The following MGMT variants were observed in gnomAD, a reference collection of about 807,000 sequenced individuals.
The protein encoded by MGMT is O-6-methylguanine-DNA methyltransferase.
In MGMT, 14 loss-of-function variants were observed where a neutral mutation model predicts 15.9. The observed-to-expected ratio is 0.88, with a 90% CI of 0.58 to 1.37. The LOEUF is 1.37. Ranked by LOEUF, MGMT falls within the 40% of genes most tolerant of loss-of-function variation. The probability of loss-of-function intolerance (pLI) is 0.00; values close to 1 mark genes in which losing one functional copy is unlikely to be tolerated. For missense variants in MGMT, 282 were observed against 268.1 expected, an observed-to-expected ratio of 1.05 and a Z score of -0.36; for synonymous variants, 130 against 118.2, an observed-to-expected ratio of 1.10 and a Z score of -0.65.
chr10:129,539,062 C>G (rs1040885121), intron 2 of MGMT, among the ~76,000 whole-genome samples: 8 of 152,136 alleles, frequency 5.3e-5, no homozygotes, highest in Non-Finnish European at 1.0e-4. Flanking sequence ...AGTTGGAGGC[C>G]TGCTTTTTTG....
chr10:129,588,473 T>A (rs1473610087), intron 2 of MGMT, among the ~76,000 whole-genome samples: 1 of 152,208 alleles, frequency 6.6e-6, no homozygotes, highest in African/African-American at 2.4e-5. Flanking sequence ...CTTACGTCTT[T>A]CCTCCCTTTT....
intron 1 of MGMT, among the ~76,000 whole-genome samples, chr10:129,524,517 G>A (rs4751095): frequency 0.94 from 141,350 of 150,914 alleles, 66,241 homozygotes; most frequent in East Asian, 1. Flanking sequence ...CATGGCAAGT[G>A]GTAAAGCCTT....
intron 3 of MGMT, among the ~76,000 whole-genome samples, chr10:129,730,715 T>A (rs930674889): frequency 1.3e-5 from 2 of 152,322 alleles, no homozygotes; most frequent in African/African-American, 4.8e-5. Flanking sequence ...TCCTCTGATT[T>A]TTTTTTGCAC....
chr10:129,679,661 C>T (rs1281713112), intron 2 of MGMT, among the ~76,000 whole-genome samples: 1 of 152,146 alleles, frequency 6.6e-6, no homozygotes, highest in African/African-American at 2.4e-5. Context: ...CAAACAAATC[C>T]AGGCTCTACT....
chr10:129,638,630 G>A (rs1047689422), intron 2 of MGMT, among the ~76,000 whole-genome samples: 9 of 151,880 alleles, frequency 5.9e-5, no homozygotes, highest in East Asian at 1.9e-4. Flanking sequence ...TGTTTTCAGC[G>A]TATTAAAGGA....
chr10:129,661,687 G>A (rs993590102), intron 2 of MGMT, among the ~76,000 whole-genome samples: 11 of 152,138 alleles, frequency 7.2e-5, no homozygotes, highest in South Asian at 6.2e-4. Flanking sequence ...TTTTAGTCAC[G>A]CTGGAGTTTT....
At chr10:129,725,305 C>G (rs1033582320) in intron 3 of MGMT, among the ~76,000 whole-genome samples, 6 of 152,240 alleles carry the variant, frequency 3.9e-5, no homozygotes, top group African/African-American at 1.2e-4. Context: ...AGACCCTGCC[C>G]AGCCCCTCGC....
intron 2 of MGMT, among the ~76,000 whole-genome samples, chr10:129,539,616 C>T (rs1846022871): frequency 6.6e-6 from 1 of 152,022 alleles, no homozygotes; most frequent in South Asian, 2.1e-4. Context: ...ACGCCATTCT[C>T]CTGCCTCAGC....
intron 2 of MGMT, among the ~76,000 whole-genome samples, chr10:129,606,823 GT>G (rs1188460682): frequency 6.6e-6 from 1 of 152,210 alleles, no homozygotes; most frequent in Admixed American, 6.5e-5. Context: ...CACTTTGACT[GT>G]ATTAAGCTGT....
chr10:129,616,170 G>A (rs938100416), intron 2 of MGMT, among the ~76,000 whole-genome samples: 1 of 152,234 alleles, frequency 6.6e-6, no homozygotes, highest in Admixed American at 6.5e-5. Context: ...TGAGCAGAGG[G>A]AGCGGCGATT....
At chr10:129,605,876 A>G (rs949823131) in intron 2 of MGMT, among the ~76,000 whole-genome samples, 1 of 151,472 alleles carries the variant, frequency 6.6e-6, no homozygotes, top group South Asian at 2.1e-4. Context: ...GCAACATTCA[A>G]GAACGGTGAT....
chr10:129,541,993 C>A (rs553876269), intron 2 of MGMT, among the ~76,000 whole-genome samples: 1 of 152,178 alleles, frequency 6.6e-6, no homozygotes, highest in Non-Finnish European at 1.5e-5. Flanking sequence ...CTAGGCTGGC[C>A]TGACCCTAGA....
At chr10:129,688,479 T>G (rs1167646734) in intron 2 of MGMT, among the ~76,000 whole-genome samples, 1 of 152,250 alleles carries the variant, frequency 6.6e-6, no homozygotes, top group East Asian at 1.9e-4. Context: ...GTTGGCTGCG[T>G]AAATGTCTTC....
At chr10:129,561,427 C>G (rs192256802) in intron 2 of MGMT, among the ~76,000 whole-genome samples, 16 of 152,278 alleles carry the variant, frequency 1.1e-4, no homozygotes, top group African/African-American at 3.8e-4. Flanking sequence ...GCTGGTGCCT[C>G]TCTGTTCTTT....
intron 4 of MGMT, among the ~76,000 whole-genome samples, 179 bp downstream of exon 4, chr10:129,759,520 C>T (rs1169223729): frequency 1.3e-5 from 2 of 152,120 alleles, no homozygotes; most frequent in Non-Finnish European, 2.9e-5. Flanking sequence ...GGAGGCTACC[C>T]CAGCACTACA....
intron 2 of MGMT, among the ~76,000 whole-genome samples, chr10:129,549,364 G>A (rs184822321): frequency 7.2e-5 from 11 of 152,304 alleles, no homozygotes; most frequent in African/African-American, 1.9e-4. Context: ...ACATAGTACC[G>A]TCAGCAGTAA....
At chr10:129,652,883 T>C (rs1161379286) in intron 2 of MGMT, among the ~76,000 whole-genome samples, 1 of 152,324 alleles carries the variant, frequency 6.6e-6, no homozygotes, top group African/African-American at 2.4e-5. Context: ...GAATATTTGT[T>C]GTGTTCCTCC....
intron 2 of MGMT, among the ~76,000 whole-genome samples, chr10:129,639,429 T>A (rs1223191424): frequency 1.3e-5 from 2 of 152,098 alleles, no homozygotes; most frequent in South Asian, 4.1e-4. Context: ...TAAATGGAGA[T>A]TTCACCATTT....
At position 129,676,544 on chromosome 10, in the gene MGMT, A is replaced by G. The variant is rs527409104; in HGVS notation, c.126-31351A>G. Among the ~76,000 whole-genome samples, 5 of 152,288 alleles carry G rather than the reference A, an allele frequency of 3.3e-5. No individual in the cohort carries two copies. In the South Asian group the frequency reaches 1.0e-3, roughly 32 times the overall value. On this transcript the variant is annotated intron_variant, in intron 2 of 4. Transcript: ENST00000651593. Reference sequence around the variant, plus strand: ...GAGATCAGCAAGACGACGTGTTTGCAGGGGTTGGGCCACACCAGGCTCTGC... The same window carrying G: ...GAGATCAGCAAGACGACGTGTTTGCGGGGGTTGGGCCACACCAGGCTCTGC...
Sources: allele counts gnomAD v4.1 joint callset (sites outside exome capture counted in the v4.1 genomes callset), GRCh38; gene constraint gnomAD v4.1.1; transcripts MANE v1.5; gene names NCBI Gene and HGNC (gene_info 2026-07-23, HGNC 2026-07-21).